Variants in EPC2 observed in about 807,000 individuals in gnomAD.
The protein encoded by EPC2 is enhancer of polycomb homolog 2.
EPC2 carries 14 observed loss-of-function variants against 92.1 expected under a neutral mutation model. The observed-to-expected ratio is 0.15, with a 90% CI of 0.10 to 0.24. The LOEUF is 0.24. Ranked by LOEUF, EPC2 falls within the 10% of genes least tolerant of loss-of-function variation. The pLI is 1.00. For missense variants in EPC2, 755 were observed against 971.5 expected, an observed-to-expected ratio of 0.78 and a Z score of 2.96; for synonymous variants, 340 against 334.7, an observed-to-expected ratio of 1.02 and a Z score of -0.17.
Position 148,761,831 on chromosome 2 carries a change from G to A in EPC2, c.716G>A (p.Arg239Gln), listed in dbSNP as rs772432316. 1.1e-5 allele frequency: 17 copies of A among 1,585,646 alleles called. No individual in the cohort carries two copies. The highest frequency in any genetic ancestry group is 3.7e-5 in the Admixed American group (2 of 54,784). The stretch of plus-strand genomic sequence containing the variant: ...TATGAAAAGATGTTGAAACTGAGAC[G>A]AGAATTTAGTAGAGCCATAACAATT... ...ASYEKMLKLR[R>Q]EFSRAITILE... is the part of the protein sequence containing the mutation. The change falls in exon 5 of 14, where the codon CGA becomes CAA. Residue 239 changes from arginine (R) to glutamine (Q), a missense_variant. Arg to Gln is a conservative substitution (Grantham distance 43). Around this residue, in one of 4 missense-constraint regions of EPC2, gnomAD observed 509 missense variants for 607.7 expected, o/e 0.84. Coordinates refer to ENST00000258484, the MANE Select transcript of EPC2 (RefSeq NM_015630.4).
chr2:148,654,912 T>C (rs1363781266), intron 1 of EPC2, among the ~76,000 whole-genome samples: 2 of 152,114 alleles, frequency 1.3e-5, no homozygotes, highest in Non-Finnish European at 2.9e-5. Flanking sequence ...GTTAGATGAT[T>C]AGTTAGTTAT....
At chr2:148,655,973 G>A (rs1680784741) in intron 1 of EPC2, among the ~76,000 whole-genome samples, 1 of 136,994 alleles carries the variant, frequency 7.3e-6, no homozygotes. Context: ...CAAGTTCACA[G>A]ACACGCTACA....
At chr2:148,673,846 A>G (rs560562120) in intron 1 of EPC2, among the ~76,000 whole-genome samples, 3 of 152,296 alleles carry the variant, frequency 2.0e-5, no homozygotes, top group South Asian at 2.1e-4. Flanking sequence ...TTGGCCTCCC[A>G]AAGTGCTGGG....
chr2:148,697,312 C>CT (rs1031492582), intron 2 of EPC2, among the ~76,000 whole-genome samples: 1,874 of 143,422 alleles, frequency 0.013, 39 homozygotes, highest in African/African-American at 0.038. Context: ...GTAATGGATT[C>CT]TTTTTTTTTT....
At chr2:148,693,187 T>G (rs1341530958) in intron 2 of EPC2, among the ~76,000 whole-genome samples, 1 of 152,210 alleles carries the variant, frequency 6.6e-6, no homozygotes, top group African/African-American at 2.4e-5. Context: ...TTTAAGGAGT[T>G]TCAGAAAATT....
intron 4 of EPC2, among the ~76,000 whole-genome samples, chr2:148,754,755 A>G (rs1016591588): frequency 6.6e-6 from 1 of 152,170 alleles, no homozygotes; most frequent in Non-Finnish European, 1.5e-5. Context: ...TTCGATTTCA[A>G]ATTGATGAGC....
At chr2:148,776,730 T>C (rs1306186010) in intron 10 of EPC2, among the ~76,000 whole-genome samples, 2 of 152,114 alleles carry the variant, frequency 1.3e-5, no homozygotes, top group African/African-American at 2.4e-5. Flanking sequence ...ACCAAAACTC[T>C]TGTAACACTG....
chr2:148,663,934 C>G (rs80140583), intron 1 of EPC2, among the ~76,000 whole-genome samples: 2,074 of 152,122 alleles, frequency 0.014, 43 homozygotes, highest in African/African-American at 0.047. Flanking sequence ...GCTTGCTTGC[C>G]CTCTGCTCAA....
At chr2:148,726,643 T>G (rs1419301461) in intron 2 of EPC2, among the ~76,000 whole-genome samples, 2 of 152,084 alleles carry the variant, frequency 1.3e-5, no homozygotes, top group Non-Finnish European at 2.9e-5. Flanking sequence ...AGAATTTTTT[T>G]TTCATACCTC....
chr2:148,665,588 A>C (rs1357523785), intron 1 of EPC2, among the ~76,000 whole-genome samples: 1 of 152,240 alleles, frequency 6.6e-6, no homozygotes, highest in East Asian at 1.9e-4. Flanking sequence ...TATACAACTT[A>C]TAATTAAGTT....
At chr2:148,652,467 A>G (rs758295766) in intron 1 of EPC2, among the ~76,000 whole-genome samples, 4 of 152,216 alleles carry the variant, frequency 2.6e-5, no homozygotes, top group Admixed American at 6.5e-5. Flanking sequence ...CTTCACACTT[A>G]TTAATTTTCA....
At chr2:148,775,775 C>CTTTTT (rs70995334) in intron 10 of EPC2, among the ~76,000 whole-genome samples, 1,526 of 92,186 alleles carry the variant, frequency 0.017, 89 homozygotes, top group East Asian at 0.036. Flanking sequence ...AATTTCTTTT[C>CTTTTT]TTTTTTTTTT....
At chr2:148,753,865 A>T in intron 3 of EPC2, 62 bp from the exon 4 acceptor site, 1 of 1,455,280 alleles carries the variant, frequency 6.9e-7, no homozygotes, top group Non-Finnish European at 9.3e-7. Context: ...TACAGCCATA[A>T]GCTAACTTTT....
intron 1 of EPC2, among the ~76,000 whole-genome samples, chr2:148,656,191 C>T (rs976053834): frequency 6.6e-6 from 1 of 152,056 alleles, no homozygotes; most frequent in Non-Finnish European, 1.5e-5. Context: ...TTTTCAATTC[C>T]TTCCCTTTAA....
rs115071641 is a variant in EPC2, at chr2:148,731,717, C to T, written c.314-11905C>T. 7.2e-3 allele frequency among the ~76,000 whole-genome samples: 1,090 copies of T among 152,230 alleles called. 6 individuals are homozygous for T. The highest frequency in any genetic ancestry group is 0.025 in the African/African-American group (1,024 of 41,524). ...GCCCCCGGCCAGAAATTTACAGATG[C>T]ATGAAAGTAGGGGCTTTGTATAAAC... On this transcript the variant is annotated intron_variant, in intron 2 of 13. Transcript: ENST00000258484.
At chr2:148,777,876 C>G (rs546724253) in intron 10 of EPC2, among the ~76,000 whole-genome samples, 2 of 152,150 alleles carry the variant, frequency 1.3e-5, no homozygotes, top group East Asian at 3.9e-4. Flanking sequence ...TAGAAGATAG[C>G]CAGAAAGGTG....
intron 1 of EPC2, among the ~76,000 whole-genome samples, chr2:148,686,809 G>C (rs1681537184): frequency 6.6e-6 from 1 of 152,036 alleles, no homozygotes; most frequent in African/African-American, 2.4e-5. Context: ...AGTTAGCTTA[G>C]AATATTTATT....
chr2:148,687,738 C>T (rs1160597121), intron 1 of EPC2, among the ~76,000 whole-genome samples: 1 of 152,218 alleles, frequency 6.6e-6, no homozygotes, highest in East Asian at 1.9e-4. Flanking sequence ...GTTCACTTGT[C>T]TATGGCATAG....
chr2:148,718,718 G>T lies in EPC2; in HGVS notation c.314-24904G>T, dbSNP rs542913304. On this transcript the variant is annotated intron_variant, in intron 2 of 13. Transcript: ENST00000258484. The stretch of plus-strand genomic sequence containing the variant: ...GAGAATCTGATGATTATGTGTTTTG[G>T]GGATGATTCTTCTCATGGAGTATCT... 1.1e-4 allele frequency among the ~76,000 whole-genome samples: 17 copies of T among 152,100 alleles called. No individual in the cohort carries two copies. In the South Asian group the frequency reaches 3.5e-3, roughly 32 times the overall value.
Sources: allele counts gnomAD v4.1 joint callset (sites outside exome capture counted in the v4.1 genomes callset), GRCh38; gene constraint gnomAD v4.1.1; regional missense constraint gnomAD v4.1.1; transcripts MANE v1.5; gene names NCBI Gene and HGNC (gene_info 2026-07-23, HGNC 2026-07-21).